FRY: variants seen among roughly 807,000 people sequenced by gnomAD.
The protein encoded by FRY is FRY microtubule binding protein.
A neutral mutation model predicts 348.4 loss-of-function variants in FRY; 128 were observed. That is an observed-to-expected ratio of 0.37 (90% CI 0.32 to 0.43). FRY has a LOEUF of 0.43. Ranked by LOEUF, FRY falls within the 20% of genes least tolerant of loss-of-function variation. The pLI is 1.00. For missense variants in FRY, 2,736 were observed against 3,695.2 expected, an observed-to-expected ratio of 0.74 and a Z score of 6.73; for synonymous variants, 1,370 against 1,374.7, an observed-to-expected ratio of 1.00 and a Z score of 0.08.
chr13:32,115,116 A>G (rs997332830), intron 3 of FRY, among the ~76,000 whole-genome samples: 2 of 152,216 alleles, frequency 1.3e-5, no homozygotes, highest in Admixed American at 6.5e-5. Context: ...GAGAGACAGC[A>G]TGAAGTAGGC....
chr13:32,101,977 A>G lies in FRY; in HGVS notation c.285A>G (p.Thr95=), dbSNP rs364995. The G allele has an allele frequency of 0.62, 925,665 of 1,502,668 alleles. 288,678 individuals are homozygous for G. The highest frequency in any genetic ancestry group is 0.65 in the South Asian group (58,062 of 88,662). The allele number at this position is 1,502,668 out of a possible 1,614,324, so 93.1% of individuals were successfully genotyped here. ...TTTCTTTCTAGGAAAAGCCATTGACAAAATCTCTGCAACGTGGAGAAGACC... is the reference window on the plus strand; with the variant it reads ...TTTCTTTCTAGGAAAAGCCATTGACGAAATCTCTGCAACGTGGAGAAGACC... ...IMAEPLEKPL[T]KSLQRGEDPQ... Residue 95 remains threonine, a synonymous_variant, in exon 3 of 61, where the codon ACA becomes ACG. Coordinates refer to ENST00000542859, the MANE Select transcript of FRY (RefSeq NM_023037.3).
At chr13:32,192,940 A>C (rs1440862849) in intron 28 of FRY, among the ~76,000 whole-genome samples, 4 of 151,868 alleles carry the variant, frequency 2.6e-5, no homozygotes, top group South Asian at 4.2e-4. Context: ...ATAGGGTTTC[A>C]CCACATTGGC....
At chr13:32,124,913 C>G in intron 7 of FRY, 38 bp downstream of exon 7, 1 of 1,408,322 alleles carries the variant, frequency 7.1e-7, no homozygotes. Context: ...TGAGAACGTG[C>G]GTGCTTTCAC....
At chr13:32,196,393 G>A (rs1035395700) in intron 29 of FRY, among the ~76,000 whole-genome samples, 2 of 152,048 alleles carry the variant, frequency 1.3e-5, no homozygotes, top group Admixed American at 1.3e-4. Context: ...AATACCTAAA[G>A]GATTAAATTT....
chr13:32,184,878 G>A (rs1882935947), intron 25 of FRY, 98 bp from the exon 26 acceptor site: 8 of 1,135,104 alleles, frequency 7.0e-6, no homozygotes, highest in African/African-American at 1.5e-5. Flanking sequence ...AACAACTTTA[G>A]TGTGTGAGTT....
At chr13:32,158,612 G>A (rs1318942717) in intron 16 of FRY, among the ~76,000 whole-genome samples, 1 of 152,028 alleles carries the variant, frequency 6.6e-6, no homozygotes, top group African/African-American at 2.4e-5. Context: ...AATTTATAAT[G>A]TAGAAGATAT....
chr13:32,166,044 G>A (rs1881716779), intron 17 of FRY, among the ~76,000 whole-genome samples: 1 of 152,190 alleles, frequency 6.6e-6, no homozygotes, highest in Non-Finnish European at 1.5e-5. Flanking sequence ...TTCGCTTTCT[G>A]ACGTGAGCAG....
intron 29 of FRY, among the ~76,000 whole-genome samples, chr13:32,201,068 T>C (rs1342657444): frequency 1.3e-5 from 2 of 152,220 alleles, no homozygotes; most frequent in African/African-American, 4.8e-5. Context: ...GTGAAGTCCA[T>C]AGGCTGGTCA....
chr13:32,136,851 C>G lies in FRY; in HGVS notation c.1078-20C>G. ...GTTGAAATATAAATGATCCTGTGAC[C>G]TCCTCTCCTTTCTCCTCAGGCCTTG... On this transcript the variant is annotated intron_variant, in intron 10 of 60. Coordinates refer to ENST00000542859, the MANE Select transcript of FRY (RefSeq NM_023037.3). 5.4e-5 allele frequency: 67 copies of G among 1,243,704 alleles called. No homozygotes were observed. The highest frequency in any genetic ancestry group is 7.0e-5 in the Non-Finnish European group (59 of 841,594). 77.0% of individuals were successfully genotyped at this position (1,243,704 alleles called of 1,614,324 possible).
At chr13:32,125,329 CAG>C (rs1236794973) in intron 7 of FRY, among the ~76,000 whole-genome samples, 1 of 152,308 alleles carries the variant, frequency 6.6e-6, no homozygotes, top group South Asian at 2.1e-4. Context: ...GGAAACAAGT[CAG>C]GGGGGAAATT....
intron 16 of FRY, among the ~76,000 whole-genome samples, chr13:32,159,726 T>C (rs113924664): frequency 6.6e-6 from 1 of 152,152 alleles, no homozygotes; most frequent in African/African-American, 2.4e-5. Flanking sequence ...CCGACAGATA[T>C]AAAAATAATC....
At chr13:32,062,665 G>T (rs1874013156) in intron 1 of FRY, among the ~76,000 whole-genome samples, 3 of 151,952 alleles carry the variant, frequency 2.0e-5, no homozygotes, top group Non-Finnish European at 4.4e-5. Context: ...AAATGAATAA[G>T]CCCATATGAG....
chr13:32,067,479 A>T (rs995673975), intron 1 of FRY, among the ~76,000 whole-genome samples: 4 of 152,182 alleles, frequency 2.6e-5, no homozygotes, highest in African/African-American at 9.7e-5. Flanking sequence ...AGAAGTGAAG[A>T]TACAACTGGA....
rs184461621 is a variant in FRY at position 32,185,278 on chromosome 13, G to A, written c.3319+130G>A. ...TGGGATGGTGAAGTTTATTTACTTC[G>A]AGATACTAGGACATATATATGAGAA... On this transcript the variant is annotated intron_variant, in intron 26 of 60. Coordinates refer to ENST00000542859, the MANE Select transcript of FRY (RefSeq NM_023037.3). 1.5e-4 allele frequency: 112 copies of A among 752,450 alleles called. No individual in the cohort carries two copies. The Admixed American group carries it at 1.7e-3, about 11-fold the overall frequency. 46.6% of individuals were successfully genotyped at this position (752,450 alleles called of 1,614,324 possible). A position where few individuals can be genotyped will look rare whatever the true frequency, so the allele number is the denominator to read the frequency against.
rs146996465 is a variant in FRY, at chr13:32,097,095, G to A, written c.271-4868G>A. 2.0e-3 allele frequency among the ~76,000 whole-genome samples: 301 copies of A among 152,170 alleles called. 1 individual carries two copies. Among genetic ancestry groups the A allele is most frequent in the Non-Finnish European group, 3.4e-3 (231 of 67,998 alleles). ...GTGGGACAAAAATAACTTTTAGGTA[G>A]GTATGGGGAGCTTTGGGATGTGGGT... On this transcript the variant is annotated intron_variant, in intron 2 of 60. Transcript: ENST00000542859.
rs1310524998 is a variant in FRY at position 32,211,053 on chromosome 13, C to A, written c.4591+19C>A. On this transcript the variant is annotated intron_variant, in intron 34 of 60. Transcript: ENST00000542859. The stretch of plus-strand genomic sequence containing the variant: ...GCCTCAGGTAAGAAGAGCAACCGGG[C>A]AGACACCTGGTCACAGATCCCTGGG... 3 of 1,610,356 alleles carry A rather than the reference C, an allele frequency of 1.9e-6. No individual in the cohort carries two copies. The highest frequency in any genetic ancestry group is 2.7e-5 in the African/African-American group (2 of 74,872).
chr13:32,072,625 G>C (rs1396922500), intron 1 of FRY, among the ~76,000 whole-genome samples: 1 of 149,312 alleles, frequency 6.7e-6, no homozygotes, highest in Non-Finnish European at 1.5e-5. Flanking sequence ...TGCTTTAATG[G>C]ACAATTTGTT....
At position 32,133,768 on chromosome 13, in the gene FRY, CTTTT is replaced by C. The variant is rs34413710; in HGVS notation, c.886-1117_886-1114del. 5.8e-4 allele frequency among the ~76,000 whole-genome samples: 52 copies of C among 89,276 alleles called. 1 individual carries two copies. In the East Asian group the frequency reaches 0.013, roughly 22 times the overall value. 58.6% of individuals were successfully genotyped at this position (89,276 alleles called of 152,430 possible). ...CTTTCTTTTCTTTCTTTCTTTCTTT[CTTTT>C]TTTTTTTTTTTTTTTTTTGAATTTG... On this transcript the variant is annotated intron_variant, in intron 8 of 60. Coordinates refer to ENST00000542859, the MANE Select transcript of FRY (RefSeq NM_023037.3).
chr13:32,128,131 C>T (rs1377355579), intron 7 of FRY, among the ~76,000 whole-genome samples: 2 of 152,110 alleles, frequency 1.3e-5, no homozygotes, highest in Admixed American at 1.3e-4. Flanking sequence ...GTATCACTTC[C>T]ATTGCTTGAC....
Sources: allele counts gnomAD v4.1 joint callset (sites outside exome capture counted in the v4.1 genomes callset), GRCh38; gene constraint gnomAD v4.1.1; transcripts MANE v1.5; gene names NCBI Gene and HGNC (gene_info 2026-07-23, HGNC 2026-07-21).